The following ZC3H12D variants were observed in gnomAD, a reference collection of about 807,000 sequenced individuals.
ZC3H12D encodes the protein probable ribonuclease ZC3H12D.
Under a neutral mutation model 24.2 loss-of-function variants are expected in ZC3H12D, and 11 were observed. That is an observed-to-expected ratio of 0.46 (90% CI 0.29 to 0.75). ZC3H12D has a LOEUF of 0.75. Ranked by LOEUF, ZC3H12D falls within the 30% of genes least tolerant of loss-of-function variation. The pLI, the probability that ZC3H12D is intolerant of heterozygous loss-of-function variation, is 0.11. For synonymous variants in ZC3H12D, 333 were observed against 341.8 expected, an observed-to-expected ratio of 0.97 and a Z score of 0.28; for missense variants, 740 against 767.7, an observed-to-expected ratio of 0.96 and a Z score of 0.43.
At chr6:149,482,869 A>G (rs945587506) in intron 1 of ZC3H12D, among the ~76,000 whole-genome samples, 4 of 152,090 alleles carry the variant, frequency 2.6e-5, no homozygotes, top group African/African-American at 9.7e-5. Context: ...CCCCTACTGT[A>G]AATAAGGGAG....
At position 149,452,569 on chromosome 6, in the gene ZC3H12D, C is replaced by A; in HGVS notation, c.787+47G>T. ...TTTGACTGTGCTCCTGTACTGCCCC[C>A]ACACAAGGCCCTGAACAGGGCCTGC... On this transcript the variant is annotated intron_variant, in intron 5 of 5. Coordinates refer to ENST00000409806, the MANE Select transcript of ZC3H12D (RefSeq NM_207360.3). This position sits in a 1 kb window ranked among gnomAD's most constrained non-coding sequence, Gnocchi z 4.0. The A allele has an allele frequency of 7.0e-7, 1 of 1,426,290 alleles. No individual in the cohort carries two copies. Among genetic ancestry groups the A allele is most frequent in the Non-Finnish European group, 9.3e-7 (1 of 1,079,054 alleles). The allele number at this position is 1,426,290 out of a possible 1,614,324, so 88.4% of individuals were successfully genotyped here.
In ZC3H12D at chr6:149,474,580, A is replaced by C. The variant is rs1343091260; in HGVS notation, c.-37T>G. ...CGGCCACTGGCGCAGGTCCTGCCCC[A>C]GGCTTCCTCCTCTCAGAGCCCTGCA... On this transcript the variant is annotated 5_prime_UTR_variant, in exon 2 of 6. Coordinates refer to ENST00000409806, the MANE Select transcript of ZC3H12D (RefSeq NM_207360.3). 7.0e-7 allele frequency: 1 copy of C among 1,436,084 alleles called. No individual in the cohort carries two copies. Among genetic ancestry groups the C allele is most frequent in the Non-Finnish European group, 9.2e-7 (1 of 1,084,254 alleles). The allele number at this position is 1,436,084 out of a possible 1,614,324, so 89.0% of individuals were successfully genotyped here.
chr6:149,456,616 G>GCCCCCCC lies in ZC3H12D; in HGVS notation c.680+49_680+50insGGGGGGG. 5 of 1,130,404 alleles carry GCCCCCCC rather than the reference G, an allele frequency of 4.4e-6. No homozygotes were observed. The highest frequency in any genetic ancestry group is 1.5e-5 in the African/African-American group (1 of 65,698). 70.0% of individuals were successfully genotyped at this position (1,130,404 alleles called of 1,614,324 possible). ...AGGCGTGGCCACTGCCTCGACCCCG[G>GCCCCCCC]CCCCCCGCCCCGCCGCCCCCCAGGG... On this transcript the variant is annotated intron_variant, in intron 4 of 5. Transcript: ENST00000409806. The surrounding 1 kb of genome is among the most constrained non-coding windows in gnomAD (Gnocchi z 4.3).
Position 149,456,627 on chromosome 6 carries a change from C to CCCCCCCCCCCCCGGGGGAGG in ZC3H12D, c.680+38_680+39insCCTCCCCCGGGGGGGGGGGG. The CCCCCCCCCCCCCGGGGGAGG allele has an allele frequency of 5.0e-6, 7 of 1,403,080 alleles. No individual in the cohort carries two copies. Among genetic ancestry groups the CCCCCCCCCCCCCGGGGGAGG allele is most frequent in the African/African-American group, 1.4e-5 (1 of 70,992 alleles). 86.9% of individuals were successfully genotyped at this position (1,403,080 alleles called of 1,614,324 possible). On this transcript the variant is annotated intron_variant, in intron 4 of 5. Transcript: ENST00000409806. This position sits in a 1 kb window ranked among gnomAD's most constrained non-coding sequence, Gnocchi z 4.3. The stretch of plus-strand genomic sequence containing the variant: ...CTGCCTCGACCCCGGCCCCCCGCCC[C>CCCCCCCCCCCCCGGGGGAGG]GCCGCCCCCCAGGGTGTCAGGACCC...
chr6:149,470,900 C>A (rs759677395), intron 2 of ZC3H12D, among the ~76,000 whole-genome samples: 1 of 152,238 alleles, frequency 6.6e-6, no homozygotes, highest in Admixed American at 6.5e-5. Context: ...GGGCCTTGCC[C>A]TCACTGCGGG....
At chr6:149,481,435 T>C (rs1583194657) in intron 1 of ZC3H12D, among the ~76,000 whole-genome samples, 1 of 150,776 alleles carries the variant, frequency 6.6e-6, no homozygotes, top group African/African-American at 2.4e-5. Context: ...AGTGAAATGG[T>C]GCGACCTCGG....
Position 149,452,627 on chromosome 6 carries a change from T to C in ZC3H12D, c.776A>G (p.His259Arg). The C allele has an allele frequency of 6.3e-7, 1 of 1,588,678 alleles. No individual in the cohort carries two copies. Among genetic ancestry groups the C allele is most frequent in the Non-Finnish European group, 8.6e-7 (1 of 1,168,686 alleles). The part of the protein sequence containing the change: ...KPKPPEPSWQ[H>R]CPYGKKCTYG... ...TGGGCCCTACCCACCATAAGGACAA[T>C]GCTGCCAGGATGGCTCTGGGGGCTT... is the stretch of plus-strand genomic sequence containing the variant. The change falls in exon 5 of 6, where the codon CAT (histidine) becomes CGT (arginine). Residue 259 changes from histidine to arginine, a missense_variant. Transcript: ENST00000409806. This position sits in a 1 kb window ranked among gnomAD's most constrained non-coding sequence, Gnocchi z 4.0.
intron 3 of ZC3H12D, among the ~76,000 whole-genome samples, chr6:149,460,209 G>A (rs1026671818): frequency 7.9e-5 from 12 of 152,158 alleles, no homozygotes; most frequent in African/African-American, 2.4e-4. Flanking sequence ...CCAAAAATCC[G>A]ACCAACATGA....
intron 2 of ZC3H12D, among the ~76,000 whole-genome samples, chr6:149,467,735 G>A (rs1375362732): frequency 6.6e-6 from 1 of 152,142 alleles, no homozygotes; most frequent in Non-Finnish European, 1.5e-5. Flanking sequence ...CTCAAAGCCT[G>A]ACCCCTTAGG....
intron 1 of ZC3H12D, among the ~76,000 whole-genome samples, chr6:149,478,115 C>A (rs947385068): frequency 2.7e-5 from 4 of 148,054 alleles, no homozygotes; most frequent in Non-Finnish European, 5.9e-5. Context: ...TGTGGTAAGC[C>A]GGGATCATGC....
rs1278081469 is a variant in ZC3H12D, at chr6:149,455,953, T to TAAAA, written c.680+712_680+713insTTTT. 1.6e-3 allele frequency among the ~76,000 whole-genome samples: 203 copies of TAAAA among 126,012 alleles called. 1 individual carries two copies. Among genetic ancestry groups the TAAAA allele is most frequent in the African/African-American group, 6.7e-3 (196 of 29,052 alleles). The allele number at this position is 126,012 out of a possible 152,430, so 82.7% of individuals were successfully genotyped here. A position where few individuals can be genotyped will look rare whatever the true frequency, so the allele number is the denominator to read the frequency against. On this transcript the variant is annotated intron_variant, in intron 4 of 5. Coordinates refer to ENST00000409806, the MANE Select transcript of ZC3H12D (RefSeq NM_207360.3). ...CCCATATGTAATTCAAAATTTTGATTTAAAAAAAAAAAAAAGACAGCCAGG... is the reference window on the plus strand; with the variant it reads ...CCCATATGTAATTCAAAATTTTGATTAAAATAAAAAAAAAAAAAAGACAGCCAGG...
intron 2 of ZC3H12D, among the ~76,000 whole-genome samples, chr6:149,469,883 T>C (rs969866834): frequency 6.6e-6 from 1 of 152,064 alleles, no homozygotes; most frequent in Non-Finnish European, 1.5e-5. Context: ...CGCCTCTGGG[T>C]CAGGGTCTCC....
chr6:149,452,381 C>T lies in ZC3H12D; in HGVS notation c.787+235G>A, dbSNP rs1775916121. ...AGACACAGCTTTGCTGTGTGCATGA[C>T]CCCTGCATCCGACCCTGGCATGGGA... On this transcript the variant is annotated intron_variant, in intron 5 of 5. Transcript: ENST00000409806. This position sits in a 1 kb window ranked among gnomAD's most constrained non-coding sequence, Gnocchi z 4.0. 4.2e-6 allele frequency: 2 copies of T among 474,082 alleles called. No homozygotes were observed. Among genetic ancestry groups the T allele is most frequent in the Non-Finnish European group, 7.4e-6 (2 of 271,404 alleles). The allele number at this position is 474,082 out of a possible 1,614,324, so 29.4% of individuals were successfully genotyped here.
chr6:149,475,608 T>C (rs1776323169), intron 1 of ZC3H12D, among the ~76,000 whole-genome samples: 1 of 151,954 alleles, frequency 6.6e-6, no homozygotes, highest in African/African-American at 2.4e-5. Context: ...CCCAGCTACT[T>C]TGGAGGCTGA....
chr6:149,474,488 T>A lies in ZC3H12D; in HGVS notation c.56A>T (p.Asp19Val). The A allele has an allele frequency of 1.3e-6, 2 of 1,568,982 alleles. No individual in the cohort carries two copies. The highest frequency in any genetic ancestry group is 1.7e-6 in the Non-Finnish European group (2 of 1,150,398). The change falls in exon 2 of 6, where the codon GAT becomes GTT. Residue 19 changes from aspartate (D) to valine (V), a missense_variant. By Grantham distance (152) the Asp-to-Val change is radical. Coordinates refer to ENST00000409806, the MANE Select transcript of ZC3H12D (RefSeq NM_207360.3). The part of the protein sequence containing the change: ...FFQKLGYDRE[D>V]VLRVLGKLGE... ...CAGCTTGCCCAACACCCGGAGCACATCCTCCCGGTCATAGCCCAGCTTCTG... is the reference window on the plus strand; with the variant it reads ...CAGCTTGCCCAACACCCGGAGCACAACCTCCCGGTCATAGCCCAGCTTCTG...
Position 149,456,686 on chromosome 6 carries a change from C to A in ZC3H12D, c.660G>T (p.Met220Ile), listed in dbSNP as rs1775987846. 1 of 1,571,612 alleles carries A rather than the reference C, an allele frequency of 6.4e-7. No individual in the cohort carries two copies. Among genetic ancestry groups the A allele is most frequent in the Non-Finnish European group, 8.7e-7 (1 of 1,153,722 alleles). Residue 220 changes from methionine to isoleucine, a missense_variant, in exon 4 of 6, where the codon ATG (methionine) becomes ATT (isoleucine). Met to Ile is a conservative substitution (Grantham distance 10). Coordinates refer to ENST00000409806, the MANE Select transcript of ZC3H12D (RefSeq NM_207360.3). This position sits in a 1 kb window ranked among gnomAD's most constrained non-coding sequence, Gnocchi z 4.3. ...CCTACCGGTCGTTGACGAAGGAGAA[C>A]ATGAGCAGCCTCTGCTCGATGAACC... Reference protein sequence around the residue: ...WKWFIEQRLLMFSFVNDRFMP... With the variant: ...WKWFIEQRLLIFSFVNDRFMP...
At chr6:149,483,523 C>A in intron 1 of ZC3H12D, among the ~76,000 whole-genome samples, 1 of 152,120 alleles carries the variant, frequency 6.6e-6, no homozygotes, top group East Asian at 1.9e-4. Flanking sequence ...CACCATTGTA[C>A]GTTCTGTCTC....
At position 149,450,880 on chromosome 6, in the gene ZC3H12D, C is replaced by G; in HGVS notation, c.1387G>C (p.Gly463Arg). 6.5e-7 allele frequency: 1 copy of G among 1,541,816 alleles called. No homozygotes were observed. Among genetic ancestry groups the G allele is most frequent in the Non-Finnish European group, 8.7e-7 (1 of 1,146,584 alleles). Reference sequence around the variant, plus strand: ...TCGGTCGCGTACACTGAAAGTCCCCCAGTGGCGCCGTCGCCCCAGGCCGGC... The same window carrying G: ...TCGGTCGCGTACACTGAAAGTCCCCGAGTGGCGCCGTCGCCCCAGGCCGGC... ...AEPAWGDGAT[G>R]GLSVYATEDD... The change falls in exon 6 of 6, where the codon GGG (glycine) becomes CGG (arginine). Residue 463 changes from glycine (G) to arginine (R), a missense_variant. Physicochemically the swap from Gly to Arg is moderately radical, Grantham distance 125 (BLOSUM62 -2). Coordinates refer to ENST00000409806, the MANE Select transcript of ZC3H12D (RefSeq NM_207360.3).
At chr6:149,480,134 G>C (rs1776402086) in intron 1 of ZC3H12D, among the ~76,000 whole-genome samples, 1 of 152,152 alleles carries the variant, frequency 6.6e-6, no homozygotes, top group East Asian at 1.9e-4. Context: ...GCACTGTGCT[G>C]CATCCCAGCT....
Sources: allele counts gnomAD v4.1 joint callset (sites outside exome capture counted in the v4.1 genomes callset), GRCh38; gene constraint gnomAD v4.1.1; non-coding constraint Gnocchi (gnomAD v3.1); transcripts MANE v1.5; gene names NCBI Gene and HGNC (gene_info 2026-07-23, HGNC 2026-07-21).